Variants in CEP20 observed in about 807,000 individuals in gnomAD.
The protein encoded by CEP20 is FGFR1OP N-terminal like.
Under a neutral mutation model 20.0 loss-of-function variants are expected in CEP20, and 18 were observed. That is an observed-to-expected ratio of 0.90 (90% CI 0.62 to 1.34). CEP20 has a LOEUF of 1.34. Among genes scored for constraint, CEP20 ranks in the 40% most tolerant of loss-of-function variants. The probability of loss-of-function intolerance (pLI) is 0.00; values close to 1 mark genes in which losing one functional copy is unlikely to be tolerated. For synonymous variants in CEP20, 77 were observed against 73.7 expected (o/e 1.04, Z -0.23); for missense variants, 215 against 201.6 (o/e 1.07, Z -0.40).
At position 15,888,588 on chromosome 16, in the gene CEP20, T is replaced by C; in HGVS notation, c.-3A>G. ...TTCAACTCTGCCACAGTCGCCATTT[T>C]TCAACGGCCGCCAGGGCCGCACCGC... is the stretch of plus-strand genomic sequence containing the variant. On this transcript the variant is annotated 5_prime_UTR_variant, in exon 1 of 5. Transcript: ENST00000255759. 6.2e-7 allele frequency: 1 copy of C among 1,614,104 alleles called. No homozygotes were observed. The highest frequency in any genetic ancestry group is 1.1e-5 in the South Asian group (1 of 91,084).
At chr16:15,873,422 A>C in intron 4 of CEP20, 69 bp downstream of exon 4, 1 of 1,555,306 alleles carries the variant, frequency 6.4e-7, no homozygotes, top group East Asian at 2.3e-5. Flanking sequence ...TAAAGACTCC[A>C]AAAGAAAAAT....
chr16:15,886,625 C>T (rs753035834), intron 1 of CEP20, among the ~76,000 whole-genome samples: 4 of 152,294 alleles, frequency 2.6e-5, no homozygotes, highest in Non-Finnish European at 5.9e-5. Flanking sequence ...GGATTACCAA[C>T]CCATGCCTCA....
At chr16:15,869,436 G>A (rs150909449) in intron 4 of CEP20, among the ~76,000 whole-genome samples, 10,140 of 151,186 alleles carry the variant, frequency 0.067, 453 homozygotes, top group East Asian at 0.22. Context: ...TCGGCCTCCC[G>A]AGTAGCTGGG....
At chr16:15,873,730 A>G in intron 3 of CEP20, 103 bp from the exon 4 acceptor site, 1 of 1,285,326 alleles carries the variant, frequency 7.8e-7, no homozygotes, top group Non-Finnish European at 1.0e-6. Context: ...CTGACATCAA[A>G]AAGACCAAGT....
rs749657059 is a variant in CEP20 at position 15,873,524 on chromosome 16, G to T, written c.415C>A (p.Leu139Ile). 6.2e-7 allele frequency: 1 copy of T among 1,613,996 alleles called. No homozygotes were observed. Among genetic ancestry groups the T allele is most frequent in the East Asian group, 2.2e-5 (1 of 44,862 alleles). ...GPSLQPSDPS[L>I]GRQPSRRKPM... ...TTTCTTCTACTAGGTTGTCTGCCAA[G>T]ACTTGGGTCTGAAGGCTGAAGTGAA... Residue 139 changes from leucine to isoleucine, a missense_variant, in exon 4 of 5, where the codon CTT becomes ATT. Transcript: ENST00000255759.
intron 3 of CEP20, among the ~76,000 whole-genome samples, chr16:15,875,995 G>A (rs1327587371): frequency 6.6e-6 from 1 of 151,620 alleles, no homozygotes. Context: ...CTACTCAGGA[G>A]GCTGAGGCAG....
At chr16:15,880,391 T>C (rs1248015967) in intron 2 of CEP20, among the ~76,000 whole-genome samples, 1 of 152,170 alleles carries the variant, frequency 6.6e-6, no homozygotes, top group African/African-American at 2.4e-5. Flanking sequence ...ATCTCACTCT[T>C]AGCTTTCTAC....
chr16:15,874,986 T>C (rs1335789506), intron 3 of CEP20, among the ~76,000 whole-genome samples: 9 of 152,156 alleles, frequency 5.9e-5, no homozygotes, highest in Admixed American at 5.9e-4. Context: ...AAGCAGATAG[T>C]TCAGCCACAT....
chr16:15,885,429 G>A (rs1597011767), intron 1 of CEP20, among the ~76,000 whole-genome samples: 1 of 152,060 alleles, frequency 6.6e-6, no homozygotes, highest in Non-Finnish European at 1.5e-5. Flanking sequence ...ATCTCGCTCT[G>A]TCGCCAGGTT....
intron 2 of CEP20, 76 bp from the exon 3 acceptor site, chr16:15,879,964 T>C (rs2045061388): frequency 2.1e-6 from 2 of 954,440 alleles, no homozygotes; most frequent in South Asian, 3.0e-5. Flanking sequence ...AGAATCACAT[T>C]TACCAGACAT....
At position 15,873,533 on chromosome 16, in the gene CEP20, C is replaced by G. The variant is rs1339099833; in HGVS notation, c.406G>C (p.Asp136His). 1 of 1,614,022 alleles carries G rather than the reference C, an allele frequency of 6.2e-7. No homozygotes were observed. ...FLKGPSLQPS[D>H]PSLGRQPSRR... ...CTAGGTTGTCTGCCAAGACTTGGGT[C>G]TGAAGGCTGAAGTGAAGGCCCTTTC... The change falls in exon 4 of 5, where the codon GAC (aspartate) becomes CAC (histidine). Residue 136 changes from aspartate to histidine, a missense_variant. By Grantham distance (81) the Asp-to-His change is moderately conservative (BLOSUM62 -1). Coordinates refer to ENST00000255759, the MANE Select transcript of CEP20 (RefSeq NM_144600.4).
chr16:15,885,164 C>G (rs561616883), intron 1 of CEP20: 1 of 151,414 alleles, frequency 6.6e-6, no homozygotes, highest in Non-Finnish European at 1.5e-5. Flanking sequence ...AAAAATTAGC[C>G]GGGTGTGGTG....
rs1043529971 is a variant in CEP20 at position 15,878,706 on chromosome 16, A to G, written c.311+1098T>C. Among the ~76,000 whole-genome samples, 15 of 151,934 alleles carry G rather than the reference A, an allele frequency of 9.9e-5. 1 individual carries two copies. Among genetic ancestry groups the G allele is most frequent in the Admixed American group, 9.8e-4 (15 of 15,234 alleles). ...GTAGAGATGGGGTTTCGCCATGTTG[A>G]CCAGGCTGGTCTCAAACTCCTGACC... On this transcript the variant is annotated intron_variant, in intron 3 of 4. Coordinates refer to ENST00000255759, the MANE Select transcript of CEP20 (RefSeq NM_144600.4).
chr16:15,882,765 ATCTATCTATCTAT>A (rs1748540247), intron 2 of CEP20, among the ~76,000 whole-genome samples: 2 of 105,792 alleles, frequency 1.9e-5, no homozygotes, highest in Admixed American at 1.2e-4. Context: ...CTATCTATCT[ATCTATCTATCTAT>A]CTAGATACAC....
chr16:15,868,021 G>T (rs1376502984), intron 4 of CEP20, among the ~76,000 whole-genome samples: 3 of 150,832 alleles, frequency 2.0e-5, no homozygotes, highest in Non-Finnish European at 4.4e-5. Flanking sequence ...TCTGGCATTA[G>T]GGACTCTAAT....
intron 1 of CEP20, among the ~76,000 whole-genome samples, chr16:15,884,625 C>T (rs907655594): frequency 6.6e-6 from 1 of 152,156 alleles, no homozygotes; most frequent in South Asian, 2.1e-4. Flanking sequence ...CCTCAGCCTC[C>T]AGGGTAGTTG....
intron 3 of CEP20, among the ~76,000 whole-genome samples, chr16:15,876,735 G>C (rs1180073859): frequency 6.6e-6 from 1 of 152,036 alleles, no homozygotes; most frequent in Non-Finnish European, 1.5e-5. Flanking sequence ...GGCAAACTCT[G>C]TGAATGCCAA....
Position 15,866,188 on chromosome 16 carries a change from T to C in CEP20, c.*1252A>G, listed in dbSNP as rs2044674456. 1 of 152,218 alleles carries C rather than the reference T, an allele frequency of 6.6e-6. No individual in the cohort carries two copies. The highest frequency in any genetic ancestry group is 1.5e-5 in the Non-Finnish European group (1 of 68,038). 9.4% of individuals were successfully genotyped at this position (152,218 alleles called of 1,614,324 possible). A position where few individuals can be genotyped will look rare whatever the true frequency, so the allele number is the denominator to read the frequency against. On this transcript the variant is annotated 3_prime_UTR_variant, in exon 5 of 5. Coordinates refer to ENST00000255759, the MANE Select transcript of CEP20 (RefSeq NM_144600.4). ...GTTTCTGCATTTAGATAAAAATTCT[T>C]GGCTAATCTGTAAGAAGTGAACACT...
rs1022601297 is a variant in CEP20 at position 15,876,944 on chromosome 16, C to T, written c.311+2860G>A. ...TCGGCTCACTGCAAGCTCCACCTCCCCGTTTGACGCCCATTTTCCTGCCTC... is the reference window on the plus strand; with the variant it reads ...TCGGCTCACTGCAAGCTCCACCTCCTCGTTTGACGCCCATTTTCCTGCCTC... On this transcript the variant is annotated intron_variant, in intron 3 of 4. Transcript: ENST00000255759. 5.5e-4 allele frequency among the ~76,000 whole-genome samples: 83 copies of T among 151,988 alleles called. 1 individual carries two copies. The highest frequency in any genetic ancestry group is 1.9e-3 in the African/African-American group (79 of 41,430).
Sources: gnomAD v4.1 joint callset for allele counts (sites outside exome capture counted in the v4.1 genomes callset) on GRCh38, gnomAD v4.1.1 for gene constraint, MANE v1.5 for transcripts, NCBI Gene and HGNC (gene_info 2026-07-23, HGNC 2026-07-21) for gene names.